NCOA6: variants seen among roughly 807,000 people sequenced by gnomAD.
NCOA6 encodes the protein NRC RAP250.
In NCOA6, 49 loss-of-function variants were observed where a neutral mutation model predicts 171.4. The ratio of observed to expected loss-of-function variants is 0.29; its 90% CI spans 0.23 to 0.36. NCOA6 has a LOEUF of 0.36. Among genes scored for constraint, NCOA6 ranks in the 10% least tolerant of loss-of-function variants. NCOA6 has a pLI of 1.00. For missense variants in NCOA6, 2,248 were observed against 2,554.5 expected (o/e 0.88, Z 2.59); for synonymous variants, 910 against 927.5 (o/e 0.98, Z 0.34).
chr20:34,774,816 A>G (rs1291727401), intron 4 of NCOA6, among the ~76,000 whole-genome samples: 1 of 152,230 alleles, frequency 6.6e-6, no homozygotes, highest in Non-Finnish European at 1.5e-5. Context: ...GTTTATAACA[A>G]TAAGGACAAT....
intron 7 of NCOA6, among the ~76,000 whole-genome samples, chr20:34,755,519 C>A (rs575679095): frequency 6.1e-4 from 93 of 152,214 alleles, no homozygotes; most frequent in African/African-American, 2.2e-3. Flanking sequence ...GTACCAAAAA[C>A]CATACTCTAA....
rs1052072678 is a variant in NCOA6, at chr20:34,740,907, A to T, written c.5349T>A (p.Thr1783=). The change falls in exon 11 of 15, where the codon ACT becomes ACA. Residue 1783 remains threonine, a synonymous_variant. Transcript: ENST00000359003. The part of the protein sequence containing the change: ...PQVNTSADQN[T]LPSSQSTTMV... ...TTGTGGTTGACTGTGAAGAGGGAAG[A>T]GTGTTCTGATCTGCTGAGGTGTTCA... 1.1e-5 allele frequency: 17 copies of T among 1,614,050 alleles called. No individual in the cohort carries two copies. In the Admixed American group the frequency reaches 1.5e-4, roughly 14 times the overall value.
rs1475705323 is a variant in NCOA6, at chr20:34,768,541, T to A, written c.437A>T (p.Asp146Val). Residue 146 changes from aspartate (D) to valine (V), a missense_variant, in exon 5 of 15, where the codon GAT (aspartate) becomes GTT (valine). Physicochemically the swap from Asp to Val is radical, Grantham distance 152. Transcript: ENST00000359003. ...TCCCATGGGTCCATTCATTCTCACA[T>A]CTTGGCTTCGGTTCTGAGCCAAAGC... ...NLALAQNRSQ[D>V]VRMNGPMGAG... 1 of 1,614,192 alleles carries A rather than the reference T, an allele frequency of 6.2e-7. No individual in the cohort carries two copies. Among genetic ancestry groups the A allele is most frequent in the Non-Finnish European group, 8.5e-7 (1 of 1,180,022 alleles).
At chr20:34,775,299 G>A (rs1450370545) in intron 4 of NCOA6, among the ~76,000 whole-genome samples, 1 of 150,802 alleles carries the variant, frequency 6.6e-6, no homozygotes, top group Non-Finnish European at 1.5e-5. Context: ...GGGTTATAGG[G>A]GTGTAGGTGT....
chr20:34,786,912 T>C (rs933790342), intron 2 of NCOA6, among the ~76,000 whole-genome samples: 1 of 152,096 alleles, frequency 6.6e-6, no homozygotes, highest in African/African-American at 2.4e-5. Context: ...GACATGGGCA[T>C]GGGCAAAGAT....
In NCOA6 at chr20:34,770,450, G is replaced by A. The variant is rs1480296418; in HGVS notation, c.392-1864C>T. On this transcript the variant is annotated intron_variant, in intron 4 of 14. Transcript: ENST00000359003. ...TATAGCTTGCCTCTAGAAGTCAGGC[G>A]TAAAAAGAGAAACAGAATACAGGTC... Among the ~76,000 whole-genome samples the A allele has an allele frequency of 7.2e-5, 11 of 152,046 alleles. No homozygotes were observed. In the East Asian group the frequency reaches 1.5e-3, roughly 21 times the overall value.
intron 14 of NCOA6, among the ~76,000 whole-genome samples, chr20:34,723,786 T>G (rs1400127735): frequency 6.6e-6 from 1 of 152,236 alleles, no homozygotes; most frequent in Non-Finnish European, 1.5e-5. Context: ...TTTGAGCATC[T>G]CTTCTTAACT....
Position 34,741,927 on chromosome 20 carries a change from T to C in NCOA6, c.4329A>G (p.Ala1443=). ...RKEQVNIELK[A]VPAQEVKMVV... is the part of the protein sequence containing the mutation. ...CCATTTTAACTTCTTGGGCAGGGAC[T>C]GCTTTTAGTTCAATGTTTACCTGTT... Residue 1443 remains alanine (A), a synonymous_variant, in exon 11 of 15, where the codon GCA becomes GCG. Coordinates refer to ENST00000359003, the MANE Select transcript of NCOA6 (RefSeq NM_014071.5). The C allele has an allele frequency of 6.2e-7, 1 of 1,614,254 alleles. No homozygotes were observed. The highest frequency in any genetic ancestry group is 8.5e-7 in the Non-Finnish European group (1 of 1,180,042).
chr20:34,790,225 A>G (rs1329379904), intron 2 of NCOA6, among the ~76,000 whole-genome samples: 1 of 152,186 alleles, frequency 6.6e-6, no homozygotes, highest in Non-Finnish European at 1.5e-5. Context: ...TTATTTAGAT[A>G]TAATAAGGAA....
intron 1 of NCOA6, among the ~76,000 whole-genome samples, chr20:34,817,119 TCA>T (rs5841183): frequency 0.2 from 25,232 of 126,396 alleles, 4,834 homozygotes; most frequent in South Asian, 0.42. Flanking sequence ...TGAGACTCCA[TCA>T]CACACACACA....
At chr20:34,782,069 G>T in intron 3 of NCOA6, 52 bp downstream of exon 3, 1 of 1,277,622 alleles carries the variant, frequency 7.8e-7, no homozygotes, top group Non-Finnish European at 1.1e-6. Flanking sequence ...CCATGGAAGG[G>T]CAAACATTTC....
At position 34,757,208 on chromosome 20, in the gene NCOA6, A is replaced by C. The variant is rs766543229; in HGVS notation, c.1528+12T>G. 18 of 1,544,716 alleles carry C rather than the reference A, an allele frequency of 1.2e-5. No individual in the cohort carries two copies. Among genetic ancestry groups the C allele is most frequent in the Non-Finnish European group, 1.6e-5 (18 of 1,148,318 alleles). ...CAAATTTACCAACACAAATAGCTAC[A>C]GTGTTCCTCACCTCCTAGGCCTGGA... On this transcript the variant is annotated intron_variant, in intron 7 of 14. Transcript: ENST00000359003.
intron 14 of NCOA6, among the ~76,000 whole-genome samples, chr20:34,719,086 T>A (rs1220736242): frequency 6.6e-6 from 1 of 152,204 alleles, no homozygotes; most frequent in African/African-American, 2.4e-5. Context: ...GTCTTTTAAG[T>A]GACTGTCCAA....
At chr20:34,764,178 C>T (rs1288470782) in intron 5 of NCOA6, among the ~76,000 whole-genome samples, 1 of 151,854 alleles carries the variant, frequency 6.6e-6, no homozygotes, top group Non-Finnish European at 1.5e-5. Context: ...AGCTCCGCCT[C>T]CCAGGTTCAT....
In NCOA6 at chr20:34,813,146, T is replaced by C. The variant is rs561932122; in HGVS notation, c.-164+12326A>G. On this transcript the variant is annotated intron_variant, in intron 1 of 14. Coordinates refer to ENST00000359003, the MANE Select transcript of NCOA6 (RefSeq NM_014071.5). ...TGCACTCCAGCCTGGGAGACAAGAG[T>C]GAAACACTGTCTCAGAAAAAAAAAA... Among the ~76,000 whole-genome samples, 7 of 138,984 alleles carry C rather than the reference T, an allele frequency of 5.0e-5. No homozygotes were observed. The South Asian group carries it at 1.1e-3, about 22-fold the overall frequency. 91.2% of individuals were successfully genotyped at this position (138,984 alleles called of 152,430 possible).
At chr20:34,819,145 C>A (rs758640349) in intron 1 of NCOA6, among the ~76,000 whole-genome samples, 1 of 152,090 alleles carries the variant, frequency 6.6e-6, no homozygotes, top group Non-Finnish European at 1.5e-5. Context: ...GCCATCCCCC[C>A]CACCATCCCA....
rs144048132 is a variant in NCOA6, at chr20:34,761,468, G to A, written c.515-2535C>T. On this transcript the variant is annotated intron_variant, in intron 5 of 14. Coordinates refer to ENST00000359003, the MANE Select transcript of NCOA6 (RefSeq NM_014071.5). ...GTTTCCAAAAATATGAGATATTTTGGTTATGCTTTTTTTTTTTTGCCACTG... is the reference window on the plus strand; with the variant it reads ...GTTTCCAAAAATATGAGATATTTTGATTATGCTTTTTTTTTTTTGCCACTG... Among the ~76,000 whole-genome samples, 111 of 148,428 alleles carry A rather than the reference G, an allele frequency of 7.5e-4. 2 individuals carry two copies. The East Asian group carries it at 0.02, about 27-fold the overall frequency.
intron 9 of NCOA6, among the ~76,000 whole-genome samples, chr20:34,747,150 T>C (rs2076331211): frequency 6.6e-6 from 1 of 152,200 alleles, no homozygotes; most frequent in African/African-American, 2.4e-5. Context: ...GCACTGTATT[T>C]ACTCAGAATG....
Position 34,750,058 on chromosome 20 carries a change from T to C in NCOA6, c.2137A>G (p.Ile713Val). Residue 713 changes from isoleucine to valine, a missense_variant, in exon 9 of 15, where the codon ATA (isoleucine) becomes GTA (valine). Coordinates refer to ENST00000359003, the MANE Select transcript of NCOA6 (RefSeq NM_014071.5). ...GQVLLQQNPM[I>V]EQIMTNQMQG... is the part of the protein sequence containing the mutation. The stretch of plus-strand genomic sequence containing the variant: ...ATTTGATTGGTCATAATCTGCTCTA[T>C]CATTGGGTTCTGTTGGAGCAAAACC... 6.2e-7 allele frequency: 1 copy of C among 1,614,236 alleles called. No individual in the cohort carries two copies. The highest frequency in any genetic ancestry group is 8.5e-7 in the Non-Finnish European group (1 of 1,180,052).
Sources: gnomAD v4.1 joint callset for allele counts (sites outside exome capture counted in the v4.1 genomes callset) on GRCh38, gnomAD v4.1.1 for gene constraint, MANE v1.5 for transcripts, NCBI Gene and HGNC (gene_info 2026-07-23, HGNC 2026-07-21) for gene names.